Variants in PRKD1 observed in about 807,000 individuals in gnomAD.
The protein encoded by PRKD1 is serine/threonine-protein kinase D1.
A neutral mutation model predicts 95.9 loss-of-function variants in PRKD1; 63 were observed. The observed-to-expected ratio is 0.66, with a 90% CI of 0.54 to 0.81. The LOEUF is 0.81. Among genes scored for constraint, PRKD1 ranks in the 30% least tolerant of loss-of-function variants. The pLI is 0.00. For synonymous variants in PRKD1, 425 were observed against 423.1 expected (o/e 1.00, Z -0.05); for missense variants, 1,048 against 1,165.3 (o/e 0.90, Z 1.47).
chr14:29,699,447 C>T (rs1186954143), intron 2 of PRKD1, among the ~76,000 whole-genome samples: 1 of 152,066 alleles, frequency 6.6e-6, no homozygotes, highest in Non-Finnish European at 1.5e-5. Flanking sequence ...TTTGTATTCA[C>T]ATATTTTTAG....
At chr14:29,648,728 C>T (rs1256752094) in intron 4 of PRKD1, among the ~76,000 whole-genome samples, 1 of 151,958 alleles carries the variant, frequency 6.6e-6, no homozygotes, top group Non-Finnish European at 1.5e-5. Context: ...GATCTCGGCT[C>T]ACTGCCAGCT....
intron 4 of PRKD1, among the ~76,000 whole-genome samples, chr14:29,650,699 C>T (rs1183517308): frequency 6.6e-6 from 1 of 152,170 alleles, no homozygotes; most frequent in Non-Finnish European, 1.5e-5. Context: ...AGGAATCAGG[C>T]TTACAGAAGC....
chr14:29,630,411 T>A (rs1239205940), intron 10 of PRKD1, among the ~76,000 whole-genome samples: 1 of 152,120 alleles, frequency 6.6e-6, no homozygotes, highest in Admixed American at 6.6e-5. Flanking sequence ...AGAGCTGGGT[T>A]TAGAGGTGTG....
At chr14:29,796,633 C>A (rs1889830795) in intron 1 of PRKD1, among the ~76,000 whole-genome samples, 1 of 152,072 alleles carries the variant, frequency 6.6e-6, no homozygotes, top group South Asian at 2.1e-4. Context: ...TGTGGAGGAA[C>A]AAGTGAGTCA....
intron 1 of PRKD1, among the ~76,000 whole-genome samples, chr14:29,780,509 A>G (rs1016299192): frequency 1.2e-4 from 19 of 152,250 alleles, no homozygotes; most frequent in African/African-American, 4.1e-4. Context: ...AAAAGAAGAC[A>G]TTTATGCAGC....
chr14:29,636,594 A>C (rs1880396353), intron 6 of PRKD1, 100 bp from the exon 7 acceptor site: 1 of 1,178,478 alleles, frequency 8.5e-7, no homozygotes, highest in Non-Finnish European at 1.2e-6. Context: ...TGGAAGCCCC[A>C]AAGAGGTAGT....
At chr14:29,606,761 G>C (rs1167298566) in intron 13 of PRKD1, among the ~76,000 whole-genome samples, 1 of 152,166 alleles carries the variant, frequency 6.6e-6, no homozygotes, top group Non-Finnish European at 1.5e-5. Context: ...GGGCTATTCA[G>C]ATGATAATGA....
chr14:29,744,118 C>T (rs999304501), intron 1 of PRKD1, among the ~76,000 whole-genome samples: 2 of 152,168 alleles, frequency 1.3e-5, no homozygotes, highest in Non-Finnish European at 2.9e-5. Context: ...CTAACTCTAT[C>T]ATTGAGCCTC....
At chr14:29,823,507 C>T (rs1890997610) in intron 1 of PRKD1, among the ~76,000 whole-genome samples, 1 of 152,054 alleles carries the variant, frequency 6.6e-6, no homozygotes, top group Admixed American at 6.6e-5. Flanking sequence ...GGTCCTGACC[C>T]CATTGAATTG....
At chr14:29,909,797 G>C (rs1290249950) in intron 1 of PRKD1, among the ~76,000 whole-genome samples, 1 of 151,966 alleles carries the variant, frequency 6.6e-6, no homozygotes, top group African/African-American at 2.4e-5. Context: ...CTAGCTAAAG[G>C]ATTGTAAACA....
intron 1 of PRKD1, among the ~76,000 whole-genome samples, chr14:29,885,837 G>A (rs1893686804): frequency 2.0e-5 from 2 of 99,522 alleles, no homozygotes. Flanking sequence ...AAAATAGCCA[G>A]GCGTGGTGGC....
intron 1 of PRKD1, among the ~76,000 whole-genome samples, chr14:29,801,541 T>C (rs1890028713): frequency 6.6e-6 from 1 of 152,258 alleles, no homozygotes. Flanking sequence ...AGTCATTTTT[T>C]CTTTCTGAAC....
chr14:29,735,139 A>G (rs1886652803), intron 1 of PRKD1, among the ~76,000 whole-genome samples: 1 of 152,206 alleles, frequency 6.6e-6, no homozygotes, highest in South Asian at 2.1e-4. Flanking sequence ...GAATAGTAAT[A>G]TTGTCTACTT....
chr14:29,707,433 T>C (rs1290221947), intron 2 of PRKD1, among the ~76,000 whole-genome samples: 2 of 152,218 alleles, frequency 1.3e-5, no homozygotes, highest in Non-Finnish European at 2.9e-5. Context: ...GTCCATTTAA[T>C]TTATATGTAT....
At chr14:29,753,172 A>C (rs1444802278) in intron 1 of PRKD1, among the ~76,000 whole-genome samples, 1 of 152,208 alleles carries the variant, frequency 6.6e-6, no homozygotes, top group African/African-American at 2.4e-5. Flanking sequence ...GATTAAAAAC[A>C]GACAAAGAGA....
intron 1 of PRKD1, among the ~76,000 whole-genome samples, chr14:29,902,901 A>AG (rs1467396470): frequency 1.3e-5 from 2 of 152,232 alleles, no homozygotes; most frequent in African/African-American, 4.8e-5. Context: ...AGAATTTTCG[A>AG]GAATTTGTTT....
Position 29,644,881 on chromosome 14 carries a change from T to C in PRKD1, c.697-5977A>G, listed in dbSNP as rs371532238. Among the ~76,000 whole-genome samples the C allele has an allele frequency of 2.2e-4, 33 of 152,024 alleles. 1 individual carries two copies. The highest frequency in any genetic ancestry group is 1.1e-3 in the Admixed American group (17 of 15,254). The stretch of plus-strand genomic sequence containing the variant: ...TTATACCTCATGTATAAATAAACTA[T>C]ACATTTTATACAACTATTTATACAT... On this transcript the variant is annotated intron_variant, in intron 4 of 17. Coordinates refer to ENST00000331968, the MANE Select transcript of PRKD1 (RefSeq NM_002742.3).
At chr14:29,617,645 T>C (rs995673590) in intron 13 of PRKD1, among the ~76,000 whole-genome samples, 2 of 152,200 alleles carry the variant, frequency 1.3e-5, no homozygotes, top group African/African-American at 4.8e-5. Context: ...ATATTTTTCT[T>C]AACCTTTATA....
chr14:29,749,040 G>A (rs1202379884), intron 1 of PRKD1, among the ~76,000 whole-genome samples: 1 of 152,096 alleles, frequency 6.6e-6, no homozygotes, highest in Non-Finnish European at 1.5e-5. Context: ...GTATATGTAG[G>A]AGTGGGATTA....
Sources: allele counts gnomAD v4.1 joint callset (sites outside exome capture counted in the v4.1 genomes callset), GRCh38; gene constraint gnomAD v4.1.1; transcripts MANE v1.5; gene names NCBI Gene and HGNC (gene_info 2026-07-23, HGNC 2026-07-21).